Variants in FSTL5 observed in about 807,000 individuals in gnomAD.
FSTL5 encodes the protein follistatin-related protein 5.
A neutral mutation model predicts 89.1 loss-of-function variants in FSTL5; 62 were observed. The observed-to-expected ratio is 0.70, with a 90% CI of 0.57 to 0.86. FSTL5 has a LOEUF of 0.86. Ranked by LOEUF, FSTL5 falls within the 40% of genes least tolerant of loss-of-function variation. FSTL5 has a pLI of 0.00. For missense variants in FSTL5, 1,057 were observed against 1,001.6 expected, an observed-to-expected ratio of 1.06 and a Z score of -0.75; for synonymous variants, 383 against 346.2, an observed-to-expected ratio of 1.11 and a Z score of -1.18.
chr4:161,999,880 G>T (rs555591040), intron 3 of FSTL5, among the ~76,000 whole-genome samples: 3 of 152,214 alleles, frequency 2.0e-5, no homozygotes, highest in South Asian at 2.1e-4. Flanking sequence ...AGTTAGAAAA[G>T]ACTTCAGAGG....
chr4:161,854,690 T>A (rs4691031), intron 4 of FSTL5, among the ~76,000 whole-genome samples: 114,061 of 151,900 alleles, frequency 0.75, 43,053 homozygotes, highest in East Asian at 0.82. Flanking sequence ...ACTAGCTGGC[T>A]TCATGAAAAT....
intron 15 of FSTL5, among the ~76,000 whole-genome samples, chr4:161,390,136 C>T (rs1308495159): frequency 6.6e-6 from 1 of 152,116 alleles, no homozygotes; most frequent in Non-Finnish European, 1.5e-5. Flanking sequence ...TCTACCTCCA[C>T]CTTCACTAGA....
chr4:161,600,516 TA>T (rs1024011201), intron 7 of FSTL5, among the ~76,000 whole-genome samples: 3 of 152,114 alleles, frequency 2.0e-5, no homozygotes, highest in African/African-American at 7.2e-5. Context: ...ACTGAGTTAG[TA>T]AAAAAATCAA....
chr4:161,498,290 A>G (rs1389459918), intron 12 of FSTL5, among the ~76,000 whole-genome samples: 1 of 152,092 alleles, frequency 6.6e-6, no homozygotes, highest in Non-Finnish European at 1.5e-5. Context: ...TTGCCCTGAC[A>G]TGTTGCAAAA....
intron 4 of FSTL5, among the ~76,000 whole-genome samples, chr4:161,807,893 G>A (rs1165575571): frequency 1.3e-5 from 2 of 152,134 alleles, no homozygotes; most frequent in Non-Finnish European, 2.9e-5. Context: ...AACCATTTTG[G>A]ATAAACTATC....
intron 15 of FSTL5, among the ~76,000 whole-genome samples, chr4:161,448,847 C>T (rs893444335): frequency 6.6e-6 from 1 of 152,282 alleles, no homozygotes; most frequent in South Asian, 2.1e-4. Flanking sequence ...TACCCTTGTC[C>T]TTTCCAGTCC....
chr4:162,120,222 A>G (rs1019616964), intron 1 of FSTL5, among the ~76,000 whole-genome samples: 8 of 152,202 alleles, frequency 5.3e-5, no homozygotes, highest in Middle Eastern at 3.4e-3. Context: ...CAGGAATTTG[A>G]GCTTGCATTA....
At chr4:162,153,758 A>ATATG (rs1554004006) in intron 1 of FSTL5, among the ~76,000 whole-genome samples, 1 of 109,944 alleles carries the variant, frequency 9.1e-6, no homozygotes, top group East Asian at 2.3e-4. Context: ...ATACATGTAT[A>ATATG]TATACATGTA....
chr4:161,803,198 T>G (rs1389592388), intron 4 of FSTL5, among the ~76,000 whole-genome samples: 1 of 151,946 alleles, frequency 6.6e-6, no homozygotes, highest in Non-Finnish European at 1.5e-5. Flanking sequence ...TGGGTAAAAT[T>G]CATTCTCTAG....
At chr4:161,772,206 T>C (rs1741234540) in intron 5 of FSTL5, among the ~76,000 whole-genome samples, 1 of 152,154 alleles carries the variant, frequency 6.6e-6, no homozygotes. Context: ...GCTGCATTTA[T>C]AAAACCCAGG....
intron 15 of FSTL5, among the ~76,000 whole-genome samples, chr4:161,424,894 C>G (rs1429814545): frequency 6.6e-6 from 1 of 152,206 alleles, no homozygotes; most frequent in Non-Finnish European, 1.5e-5. Flanking sequence ...TCTGCTTTAA[C>G]CCTTCAAAGA....
At chr4:161,713,235 C>T (rs752908149) in intron 6 of FSTL5, among the ~76,000 whole-genome samples, 10 of 152,158 alleles carry the variant, frequency 6.6e-5, no homozygotes, top group Non-Finnish European at 1.0e-4. Context: ...GACAGACTAA[C>T]AAAATACTAA....
intron 6 of FSTL5, among the ~76,000 whole-genome samples, chr4:161,666,152 A>G (rs1485830206): frequency 2.0e-5 from 3 of 152,084 alleles, no homozygotes; most frequent in African/African-American, 7.2e-5. Flanking sequence ...CACCCACAAA[A>G]CTGACAAAAA....
chr4:161,586,866 A>G (rs1379351716), intron 8 of FSTL5, among the ~76,000 whole-genome samples: 1 of 152,216 alleles, frequency 6.6e-6, no homozygotes, highest in Non-Finnish European at 1.5e-5. Flanking sequence ...ATCAGAGTAT[A>G]TTAAAATATA....
chr4:161,590,534 A>G (rs1166658881), intron 7 of FSTL5, among the ~76,000 whole-genome samples: 1 of 152,146 alleles, frequency 6.6e-6, no homozygotes, highest in Admixed American at 6.5e-5. Flanking sequence ...GTGAGACTCC[A>G]TCTCAAAACA....
chr4:161,990,543 A>C (rs1736082429), intron 3 of FSTL5, among the ~76,000 whole-genome samples: 1 of 152,140 alleles, frequency 6.6e-6, no homozygotes, highest in South Asian at 2.1e-4. Flanking sequence ...ATTCTCTTAT[A>C]AACTCAACGT....
chr4:161,595,831 A>G (rs1278755717), intron 7 of FSTL5, among the ~76,000 whole-genome samples: 1 of 152,024 alleles, frequency 6.6e-6, no homozygotes, highest in Non-Finnish European at 1.5e-5. Flanking sequence ...TAAATTTTAA[A>G]TGTTAGCCCA....
intron 4 of FSTL5, among the ~76,000 whole-genome samples, chr4:161,915,911 A>G (rs948470714): frequency 1.3e-5 from 2 of 152,176 alleles, no homozygotes; most frequent in African/African-American, 4.8e-5. Context: ...GCCCTTATTT[A>G]AAAAATACAT....
chr4:162,162,667 C>T (rs765298981), intron 1 of FSTL5, among the ~76,000 whole-genome samples: 3 of 152,154 alleles, frequency 2.0e-5, no homozygotes, highest in Admixed American at 1.3e-4. Flanking sequence ...TGAATTCTTT[C>T]TCTGTACACA....
Sources: gnomAD v4.1 joint callset for allele counts (sites outside exome capture counted in the v4.1 genomes callset) on GRCh38, gnomAD v4.1.1 for gene constraint, MANE v1.5 for transcripts, NCBI Gene and HGNC (gene_info 2026-07-23, HGNC 2026-07-21) for gene names.